DACH2: variants seen among roughly 807,000 people sequenced by gnomAD.
DACH2 encodes the protein dachshund family transcription factor 2.
In DACH2, 17 loss-of-function variants were observed where a neutral mutation model predicts 35.8. The observed-to-expected ratio is 0.48, with a 90% CI of 0.33 to 0.71. DACH2 has a LOEUF of 0.71. DACH2 is among the 30% of genes least tolerant of loss of function. The pLI is 0.02. For missense variants in DACH2, 469 were observed against 472.7 expected (o/e 0.99, Z 0.07); for synonymous variants, 195 against 177.3 (o/e 1.10, Z -0.79).
intron 4 of DACH2, among the ~76,000 whole-genome samples, chrX:86,662,534 A>C (rs2040616758): frequency 9.1e-6 from 1 of 110,402 alleles, no homozygotes; most frequent in African/African-American, 3.3e-5. Context: ...CGGAGGTTGC[A>C]GTGAGCCGAG....
At chrX:86,277,197 ATTTC>A (rs2033932213) in intron 1 of DACH2, among the ~76,000 whole-genome samples, 1 of 110,786 alleles carries the variant, frequency 9.0e-6, no homozygotes, top group South Asian at 3.7e-4. Context: ...GTCTTCTTTA[ATTTC>A]TTTTATCAGT....
intron 6 of DACH2, among the ~76,000 whole-genome samples, chrX:86,717,867 T>C (rs1406865398): frequency 9.3e-6 from 1 of 107,557 alleles, no homozygotes; most frequent in African/African-American, 3.4e-5. Flanking sequence ...TATATGCATA[T>C]GTATATATAT....
At chrX:86,366,556 A>T (rs1348940291) in intron 1 of DACH2, among the ~76,000 whole-genome samples, 1 of 111,386 alleles carries the variant, frequency 9.0e-6, no homozygotes, top group Admixed American at 9.5e-5. Flanking sequence ...ATGAGATTGT[A>T]TCATTCCTAA....
chrX:86,605,321 T>C (rs1271530514), intron 3 of DACH2, among the ~76,000 whole-genome samples: 1 of 111,690 alleles, frequency 9.0e-6, no homozygotes, highest in African/African-American at 3.2e-5. Context: ...TGCTGGTACT[T>C]TGTTCTCTTA....
At chrX:86,493,504 A>T (rs1036222948) in intron 2 of DACH2, among the ~76,000 whole-genome samples, 50 of 112,060 alleles carry the variant, frequency 4.5e-4, no homozygotes, top group African/African-American at 1.6e-3. Flanking sequence ...CTGCCAAATT[A>T]TTAGGCAGGA....
Position 86,546,394 on chromosome X carries a change from T to TC in DACH2, c.640+32004dup, listed in dbSNP as rs1256264029. 4.6e-3 allele frequency among the ~76,000 whole-genome samples: 355 copies of TC among 76,876 alleles called. 4 individuals are homozygous for TC. Among genetic ancestry groups the TC allele is most frequent in the African/African-American group, 0.02 (342 of 17,092 alleles). The allele number at this position is 76,876 out of a possible 115,157, so 66.8% of individuals were successfully genotyped here. On this transcript the variant is annotated intron_variant, in intron 3 of 11. Coordinates refer to ENST00000373125, the MANE Select transcript of DACH2 (RefSeq NM_053281.3). The stretch of plus-strand genomic sequence containing the variant: ...TTCTTCTTCTTCTTCTTCTTCTTCT[T>TC]CTTCTTCTTCCTTCTTCTTCTTCTT...
In DACH2 at chrX:86,174,006, G is replaced by A. The variant is rs562209073; in HGVS notation, c.488+24898G>A. Reference sequence around the variant, plus strand: ...GGTGTGAGAGAAAGAAAAGAGTCACGAACAACTCCAGGAATTTGGCATATA... The same window carrying A: ...GGTGTGAGAGAAAGAAAAGAGTCACAAACAACTCCAGGAATTTGGCATATA... On this transcript the variant is annotated intron_variant, in intron 1 of 11. Coordinates refer to ENST00000373125, the MANE Select transcript of DACH2 (RefSeq NM_053281.3). 7.2e-5 allele frequency among the ~76,000 whole-genome samples: 8 copies of A among 110,612 alleles called. No individual in the cohort carries two copies. In the South Asian group the frequency reaches 2.3e-3, roughly 32 times the overall value.
At chrX:86,408,646 C>T (rs1328789695) in intron 2 of DACH2, among the ~76,000 whole-genome samples, 4 of 111,473 alleles carry the variant, frequency 3.6e-5, no homozygotes, top group Admixed American at 9.6e-5. Flanking sequence ...GAGGCTCTTG[C>T]GACTTGAGAG....
intron 7 of DACH2, among the ~76,000 whole-genome samples, chrX:86,762,477 G>A (rs947629845): frequency 5.4e-5 from 6 of 111,234 alleles, no homozygotes; most frequent in African/African-American, 2.0e-4. Context: ...CTTTCCATAT[G>A]GAAGATATTT....
intron 2 of DACH2, among the ~76,000 whole-genome samples, chrX:86,468,187 G>A (rs2037704814): frequency 9.0e-6 from 1 of 111,119 alleles, no homozygotes; most frequent in Non-Finnish European, 1.9e-5. Flanking sequence ...AATGGCTTTG[G>A]GTTAAGTTAT....
chrX:86,599,110 A>G (rs2039752297), intron 3 of DACH2, among the ~76,000 whole-genome samples: 1 of 111,138 alleles, frequency 9.0e-6, no homozygotes, highest in Non-Finnish European at 1.9e-5. Context: ...AGCTTCATCC[A>G]TGTCCCTACA....
intron 1 of DACH2, among the ~76,000 whole-genome samples, chrX:86,349,080 A>G (rs1377260708): frequency 1.8e-5 from 2 of 112,485 alleles, no homozygotes; most frequent in African/African-American, 6.5e-5. Context: ...TCTGTATCCC[A>G]GGGTTCTTTC....
At chrX:86,546,466 CTTA>C (rs1362217807) in intron 3 of DACH2, among the ~76,000 whole-genome samples, 6 of 89,321 alleles carry the variant, frequency 6.7e-5, no homozygotes, top group African/African-American at 1.3e-4. Flanking sequence ...TCTTCTACCT[CTTA>C]TTCTTCCTCT....
chrX:86,275,081 A>G (rs1215294968), intron 1 of DACH2, among the ~76,000 whole-genome samples: 1 of 111,928 alleles, frequency 8.9e-6, no homozygotes, highest in African/African-American at 3.2e-5. Context: ...TGATCCCTGC[A>G]AGCCAGGGTT....
At chrX:86,802,027 T>C (rs1018049552) in intron 7 of DACH2, among the ~76,000 whole-genome samples, 1 of 112,074 alleles carries the variant, frequency 8.9e-6, no homozygotes, top group Admixed American at 9.5e-5. Flanking sequence ...TGGCAATACA[T>C]CCTTAAAATT....
chrX:86,482,822 G>C (rs2148236169), intron 2 of DACH2, among the ~76,000 whole-genome samples: 3 of 110,351 alleles, frequency 2.7e-5, no homozygotes, highest in Middle Eastern at 4.6e-3. Context: ...AAAAAATGAT[G>C]AGTTCATGTC....
intron 2 of DACH2, among the ~76,000 whole-genome samples, chrX:86,479,979 G>T (rs960911206): frequency 8.9e-6 from 1 of 112,337 alleles, no homozygotes. Flanking sequence ...ATTCCTGGTG[G>T]CTTATTTAGT....
chrX:86,818,509 A>T (rs1763216999), intron 11 of DACH2, among the ~76,000 whole-genome samples: 1 of 111,602 alleles, frequency 9.0e-6, no homozygotes, highest in Admixed American at 9.5e-5. Flanking sequence ...GGAAAACATG[A>T]AATGCAAGCT....
At chrX:86,774,804 G>C (rs1458772516) in intron 7 of DACH2, among the ~76,000 whole-genome samples, 2 of 111,906 alleles carry the variant, frequency 1.8e-5, no homozygotes, top group African/African-American at 6.5e-5. Flanking sequence ...CTGCATGTTT[G>C]TATACACACG....
Sources: gnomAD v4.1 joint callset for allele counts (sites outside exome capture counted in the v4.1 genomes callset) on GRCh38, gnomAD v4.1.1 for gene constraint, MANE v1.5 for transcripts, NCBI Gene and HGNC (gene_info 2026-07-23, HGNC 2026-07-21) for gene names.